The following NPAS2 variants were observed in gnomAD, a reference collection of about 807,000 sequenced individuals.
NPAS2 encodes the protein neuronal PAS domain protein 2.
In NPAS2, 23 loss-of-function variants were observed where a neutral mutation model predicts 107.5. The ratio of observed to expected loss-of-function variants is 0.21; its 90% CI spans 0.15 to 0.30. The LOEUF is 0.30. Ranked by LOEUF, NPAS2 falls within the 10% of genes least tolerant of loss-of-function variation. The probability of loss-of-function intolerance (pLI) is 1.00; values close to 1 mark genes in which losing one functional copy is unlikely to be tolerated. For synonymous variants in NPAS2, 403 were observed against 417.5 expected (o/e 0.97, Z 0.42); for missense variants, 756 against 1,043.3 (o/e 0.72, Z 3.79).
At chr2:100,876,231 C>A (rs530358595) in intron 1 of NPAS2, among the ~76,000 whole-genome samples, 1 of 152,202 alleles carries the variant, frequency 6.6e-6, no homozygotes, top group East Asian at 1.9e-4. Context: ...GCTTAGCAAC[C>A]TTTCTCCAGG....
At chr2:100,826,594 G>A (rs902459377) in intron 1 of NPAS2, among the ~76,000 whole-genome samples, 4 of 152,080 alleles carry the variant, frequency 2.6e-5, no homozygotes, top group African/African-American at 4.8e-5. Flanking sequence ...CAAATAGGAC[G>A]TTATTTAACC....
Position 100,878,053 on chromosome 2 carries a change from T to A in NPAS2, c.-22-26680T>A, listed in dbSNP as rs953248978. On this transcript the variant is annotated intron_variant, in intron 1 of 20. Coordinates refer to ENST00000335681, the MANE Select transcript of NPAS2 (RefSeq NM_002518.4). ...CTGTTCTTTGTAGGCCCCGTGGACC[T>A]GCCGTGATTGCAAAAAGTGGTGACG... 9.1e-6 allele frequency: 9 copies of A among 985,308 alleles called. No homozygotes were observed. In the East Asian group the frequency reaches 9.1e-4, roughly 99 times the overall value. The allele number at this position is 985,308 out of a possible 1,614,324, so 61.0% of individuals were successfully genotyped here.
At chr2:100,884,311 G>A (rs1680565360) in intron 1 of NPAS2, among the ~76,000 whole-genome samples, 1 of 152,134 alleles carries the variant, frequency 6.6e-6, no homozygotes, top group African/African-American at 2.4e-5. Context: ...CAAGGGCACT[G>A]AGGAACTTAG....
intron 1 of NPAS2, among the ~76,000 whole-genome samples, chr2:100,828,241 A>G (rs1273681775): frequency 1.3e-5 from 2 of 151,868 alleles, no homozygotes; most frequent in Non-Finnish European, 2.9e-5. Flanking sequence ...GCCTATTTTT[A>G]AATATGGTTT....
intron 5 of NPAS2, among the ~76,000 whole-genome samples, chr2:100,942,725 G>C (rs1674648850): frequency 6.6e-6 from 1 of 152,016 alleles, no homozygotes; most frequent in Non-Finnish European, 1.5e-5. Context: ...CCATTTTCCT[G>C]ACTTTTAAGG....
chr2:100,890,333 AG>A (rs1227324988), intron 1 of NPAS2, among the ~76,000 whole-genome samples: 1 of 152,144 alleles, frequency 6.6e-6, no homozygotes, highest in Admixed American at 6.5e-5. Flanking sequence ...CTCTGACTAT[AG>A]GGACAGGTGG....
chr2:100,824,484 C>T (rs960970456), intron 1 of NPAS2, among the ~76,000 whole-genome samples: 1 of 152,220 alleles, frequency 6.6e-6, no homozygotes, highest in Non-Finnish European at 1.5e-5. Flanking sequence ...CACCTCTCCT[C>T]TTTGAGGGGC....
chr2:100,935,431 TA>T (rs1332112154), intron 4 of NPAS2, among the ~76,000 whole-genome samples: 4 of 152,200 alleles, frequency 2.6e-5, no homozygotes, highest in African/African-American at 9.6e-5. Flanking sequence ...ATTCCATGGA[TA>T]GGGGCACAGC....
rs111307191 is a variant in NPAS2, at chr2:100,970,964, C to G, written c.1056-26C>G. On this transcript the variant is annotated intron_variant, in intron 11 of 20. Coordinates refer to ENST00000335681, the MANE Select transcript of NPAS2 (RefSeq NM_002518.4). ...CCCTTCCTGGAATGCCCCATCTCCA[C>G]TGTGGTCTCTTAATTTCCTGTACAG... 4 of 1,608,916 alleles carry G rather than the reference C, an allele frequency of 2.5e-6. No homozygotes were observed. The African/African-American group carries it at 4.0e-5, about 16-fold the overall frequency.
At chr2:100,833,203 T>G (rs1676853370) in intron 1 of NPAS2, among the ~76,000 whole-genome samples, 1 of 152,206 alleles carries the variant, frequency 6.6e-6, no homozygotes, top group African/African-American at 2.4e-5. Context: ...AGCAGAAAGC[T>G]TTGACGCCCT....
At chr2:100,992,379 C>T (rs1368147458) in intron 19 of NPAS2, among the ~76,000 whole-genome samples, 2 of 152,246 alleles carry the variant, frequency 1.3e-5, no homozygotes, top group Non-Finnish European at 2.9e-5. Flanking sequence ...GCTGCAGCCA[C>T]TGTGTTAAAT....
intron 1 of NPAS2, among the ~76,000 whole-genome samples, chr2:100,893,590 T>C (rs1443841013): frequency 6.6e-6 from 1 of 152,198 alleles, no homozygotes; most frequent in East Asian, 1.9e-4. Flanking sequence ...AAATTCATGA[T>C]GATACAAAGT....
At chr2:100,878,645 G>A in intron 1 of NPAS2, 1 of 985,084 alleles carries the variant, frequency 1.0e-6, no homozygotes, top group Non-Finnish European at 1.2e-6. Context: ...TAACTTTGCG[G>A]TTTTGTTTCA....
chr2:100,870,066 G>A lies in NPAS2; in HGVS notation c.-22-34667G>A, dbSNP rs568577609. Among the ~76,000 whole-genome samples the A allele has an allele frequency of 2.0e-5, 3 of 152,112 alleles. No homozygotes were observed. In the South Asian group the frequency reaches 6.2e-4, roughly 32 times the overall value. On this transcript the variant is annotated intron_variant, in intron 1 of 20. Transcript: ENST00000335681. ...ACTACAGGTGTCTGCGACCACGCCA[G>A]GCTAATTTTTTGTTTTCAGAGATGG...
rs111622893 is a variant in NPAS2 at position 100,991,248 on chromosome 2, G to A, written c.2111+376G>A. Among the ~76,000 whole-genome samples, 85 of 152,126 alleles carry A rather than the reference G, an allele frequency of 5.6e-4. 1 individual carries two copies. Among genetic ancestry groups the A allele is most frequent in the African/African-American group, 1.8e-3 (75 of 41,466 alleles). On this transcript the variant is annotated intron_variant, in intron 19 of 20. Transcript: ENST00000335681. ...ATGCCGCAGGCACACTTGGTGCTCCGTGCTTCTGGCACCGTGCTCGGGCCC... is the reference window on the plus strand; with the variant it reads ...ATGCCGCAGGCACACTTGGTGCTCCATGCTTCTGGCACCGTGCTCGGGCCC...
intron 1 of NPAS2, among the ~76,000 whole-genome samples, chr2:100,863,479 G>T (rs1164963189): frequency 6.6e-6 from 1 of 152,222 alleles, no homozygotes; most frequent in Non-Finnish European, 1.5e-5. Flanking sequence ...TGGGCCCACA[G>T]ATCTGTGCCC....
At chr2:100,869,127 G>T (rs1306890042) in intron 1 of NPAS2, among the ~76,000 whole-genome samples, 1 of 151,550 alleles carries the variant, frequency 6.6e-6, no homozygotes, top group East Asian at 1.9e-4. Context: ...GCAGAGACAG[G>T]GTTTCACCCT....
At chr2:100,861,981 G>T (rs1411574204) in intron 1 of NPAS2, among the ~76,000 whole-genome samples, 1 of 152,096 alleles carries the variant, frequency 6.6e-6, no homozygotes, top group Non-Finnish European at 1.5e-5. Context: ...GTGTGTATAT[G>T]TATGTATACA....
intron 5 of NPAS2, among the ~76,000 whole-genome samples, chr2:100,939,055 G>GT (rs1335470481): frequency 1.3e-5 from 2 of 152,146 alleles, no homozygotes; most frequent in African/African-American, 2.4e-5. Flanking sequence ...GCGTGGCCTT[G>GT]TTCCATGGGC....
Sources: gnomAD v4.1 joint callset for allele counts (sites outside exome capture counted in the v4.1 genomes callset) on GRCh38, gnomAD v4.1.1 for gene constraint, MANE v1.5 for transcripts, NCBI Gene and HGNC (gene_info 2026-07-23, HGNC 2026-07-21) for gene names.